The following CEP63 variants were observed in gnomAD, a reference collection of about 807,000 sequenced individuals.
CEP63 encodes the protein centrosomal protein of 63 kDa.
CEP63 carries 84 observed loss-of-function variants against 89.1 expected under a neutral mutation model. The observed-to-expected ratio is 0.94, with a 90% confidence interval of 0.79 to 1.13. The LOEUF is 1.13. Among genes scored for constraint, CEP63 ranks in the 50% most tolerant of loss-of-function variants. The pLI, the probability that CEP63 is intolerant of heterozygous loss-of-function variation, is 0.00. For missense variants in CEP63, 838 were observed against 813.3 expected (o/e 1.03, Z -0.37); for synonymous variants, 267 against 272.5 (o/e 0.98, Z 0.20).
At position 134,507,112 on chromosome 3, in the gene CEP63, A is replaced by G. The variant is rs759695147; in HGVS notation, c.48A>G (p.Gly16=). ...AATGATCTGTTCTTCTTTATAGGGG[A>G]TTTTTGACATCTTGTGAAGCAGAAC... ...EGIQNRGHGG[G]FLTSCEAELQ... is the part of the protein sequence containing the mutation. The change falls in exon 3 of 15, where the codon GGA becomes GGG. Residue 16 remains glycine, a synonymous_variant. Transcript: ENST00000675561. The G allele has an allele frequency of 5.0e-6, 8 of 1,613,012 alleles. No homozygotes were observed. The South Asian group carries it at 8.8e-5, about 18-fold the overall frequency.
chr3:134,724,268 C>T, the CEP63 span, among the ~76,000 whole-genome samples: 1 of 152,242 alleles, frequency 6.6e-6, no homozygotes, highest in Non-Finnish European at 1.5e-5. Flanking sequence ...TCCGTTCTCT[C>T]TTCTGCTCTG....
chr3:134,491,293 A>G (rs969940655), intron 1 of CEP63, among the ~76,000 whole-genome samples: 7 of 152,186 alleles, frequency 4.6e-5, no homozygotes, highest in African/African-American at 1.4e-4. Context: ...AACTTACTGT[A>G]GTTTTAATTT....
At chr3:134,668,237 C>T in the CEP63 span, among the ~76,000 whole-genome samples, 1 of 152,124 alleles carries the variant, frequency 6.6e-6, no homozygotes, top group Non-Finnish European at 1.5e-5. Flanking sequence ...GTGATGCTGC[C>T]CTGGAAGGAG....
At chr3:134,533,574 A>G (rs1280460339) in intron 5 of CEP63, among the ~76,000 whole-genome samples, 1 of 152,238 alleles carries the variant, frequency 6.6e-6, no homozygotes, top group Non-Finnish European at 1.5e-5. Context: ...GTGAGCTAAT[A>G]GTACCAAGAG....
chr3:134,689,513 A>G, the CEP63 span, among the ~76,000 whole-genome samples: 1 of 151,960 alleles, frequency 6.6e-6, no homozygotes, highest in South Asian at 2.1e-4. Flanking sequence ...GTACAGTGGC[A>G]TGAGCTCGGC....
chr3:134,777,272 T>C, the CEP63 span, among the ~76,000 whole-genome samples: 1 of 152,232 alleles, frequency 6.6e-6, no homozygotes, highest in Non-Finnish European at 1.5e-5. Flanking sequence ...CTGGACTATA[T>C]TTCTTGTTTT....
chr3:134,627,654 T>C, the CEP63 span: 4 of 1,042,820 alleles, frequency 3.8e-6, no homozygotes, highest in Non-Finnish European at 5.9e-6. Flanking sequence ...CCCCAGCCTC[T>C]CAGCATAGTG....
rs910353329 is a variant in CEP63 at position 134,545,919 on chromosome 3, C to T, written c.789+100C>T. ...TAGGTTCTACAATCCATACTTTCTT[C>T]CCTACTTTATAAATGATGGATCAGA... On this transcript the variant is annotated intron_variant, in intron 7 of 14. Transcript: ENST00000675561. 28 of 940,484 alleles carry T rather than the reference C, an allele frequency of 3.0e-5. No homozygotes were observed. The African/African-American group carries it at 4.2e-4, about 14-fold the overall frequency. The allele number at this position is 940,484 out of a possible 1,614,324, so 58.3% of individuals were successfully genotyped here.
the CEP63 span, among the ~76,000 whole-genome samples, chr3:134,759,668 T>A: frequency 2.0e-5 from 3 of 152,194 alleles, no homozygotes; most frequent in Non-Finnish European, 4.4e-5. Context: ...GGCAGTGATG[T>A]GTAAGCATGA....
chr3:134,721,897 C>A, the CEP63 span, among the ~76,000 whole-genome samples: 1 of 151,996 alleles, frequency 6.6e-6, no homozygotes, highest in Admixed American at 6.6e-5. Context: ...GGTTTTGCAT[C>A]TATATTTATA....
At chr3:134,511,357 C>T (rs1408157788) in intron 3 of CEP63, 1 of 155,966 alleles carries the variant, frequency 6.4e-6, no homozygotes, top group Non-Finnish European at 1.4e-5. Context: ...TGTGGATTTC[C>T]ACTCTTTGCC....
rs774034074 is a variant in CEP63, at chr3:134,532,935, G to T, written c.441+35G>T. 1.8e-5 allele frequency: 29 copies of T among 1,610,288 alleles called. 1 individual carries two copies. The South Asian group carries it at 2.8e-4, about 15-fold the overall frequency. The stretch of plus-strand genomic sequence containing the variant: ...TAGTAATAATTTGTTCATAGTGATT[G>T]TCAGCCTTCACGTAGGAAAATGCGG... On this transcript the variant is annotated intron_variant, in intron 5 of 14. Transcript: ENST00000675561.
chr3:134,643,315 C>T, the CEP63 span: 17 of 1,613,814 alleles, frequency 1.1e-5, no homozygotes, highest in South Asian at 1.8e-4. Context: ...GAATCACTTA[C>T]CTTGGCTGTT....
the CEP63 span, among the ~76,000 whole-genome samples, chr3:134,663,003 T>C: frequency 9.9e-5 from 15 of 152,192 alleles, no homozygotes; most frequent in African/African-American, 3.6e-4. Context: ...GCCAGTTTAA[T>C]GTCCAGCTTC....
At chr3:134,632,040 G>A in the CEP63 span, among the ~76,000 whole-genome samples, 7 of 151,992 alleles carry the variant, frequency 4.6e-5, no homozygotes, top group Admixed American at 4.6e-4. Flanking sequence ...AAATATCAGG[G>A]ATAGAGGAAT....
the CEP63 span, among the ~76,000 whole-genome samples, chr3:134,697,091 C>T: frequency 6.6e-6 from 1 of 152,188 alleles, no homozygotes; most frequent in South Asian, 2.1e-4. Flanking sequence ...GGTCAAGATA[C>T]CAACTCCCTT....
chr3:134,493,842 T>G (rs1018135709), intron 1 of CEP63, among the ~76,000 whole-genome samples: 1 of 152,234 alleles, frequency 6.6e-6, no homozygotes, highest in East Asian at 1.9e-4. Context: ...ATAATCTACT[T>G]CTTACAGCAG....
chr3:134,528,045 A>C (rs1003674932), intron 3 of CEP63, among the ~76,000 whole-genome samples: 8 of 152,024 alleles, frequency 5.3e-5, no homozygotes, highest in Admixed American at 4.6e-4. Context: ...CACCCTGTCA[A>C]CTTGAGTGTT....
chr3:134,693,249 T>C, the CEP63 span, among the ~76,000 whole-genome samples: 1 of 152,190 alleles, frequency 6.6e-6, no homozygotes, highest in Non-Finnish European at 1.5e-5. Context: ...CAGTTTGCCC[T>C]TTTCGCTTTT....
Sources: gnomAD v4.1 joint callset for allele counts (sites outside exome capture counted in the v4.1 genomes callset) on GRCh38, gnomAD v4.1.1 for gene constraint, MANE v1.5 for transcripts, NCBI Gene and HGNC (gene_info 2026-07-23, HGNC 2026-07-21) for gene names.